The following THSD7B variants were observed in gnomAD, a reference collection of about 807,000 sequenced individuals.
THSD7B encodes thrombospondin type 1 domain containing 7B.
Under a neutral mutation model 213.6 loss-of-function variants are expected in THSD7B, and 138 were observed. The ratio of observed to expected loss-of-function variants is 0.65; its 90% CI spans 0.56 to 0.74. The LOEUF is 0.74. Ranked by LOEUF, THSD7B falls within the 30% of genes least tolerant of loss-of-function variation. The probability of loss-of-function intolerance (pLI) is 0.00; values close to 1 mark genes in which losing one functional copy is unlikely to be tolerated. For synonymous variants in THSD7B, 742 were observed against 687.0 expected (o/e 1.08, Z -1.25); for missense variants, 1,931 against 1,991.5 (o/e 0.97, Z 0.58).
chr2:137,616,635 T>C (rs1213693325), intron 18 of THSD7B, among the ~76,000 whole-genome samples: 3 of 152,188 alleles, frequency 2.0e-5, no homozygotes, highest in East Asian at 1.9e-4. Context: ...TAATTTACCA[T>C]TGAGAGAAGA....
chr2:136,864,406 A>G lies in THSD7B; in HGVS notation c.-35-17738A>G, dbSNP rs566824991. ...GACAAAGAAGAATAAAATCTCTCAT[A>G]TTTCTACCATGCAAATACAACGAAC... On this transcript the variant is annotated intron_variant, in intron 1 of 27. Coordinates refer to ENST00000409968, the MANE Select transcript of THSD7B (RefSeq NM_001316349.2). Among the ~76,000 whole-genome samples the G allele has an allele frequency of 9.8e-5, 15 of 152,310 alleles. No homozygotes were observed. The East Asian group carries it at 2.7e-3, about 27-fold the overall frequency.
At chr2:137,533,026 T>C (rs75220310) in intron 15 of THSD7B, among the ~76,000 whole-genome samples, 25,101 of 150,860 alleles carry the variant, frequency 0.17, 2,217 homozygotes, top group South Asian at 0.28. Flanking sequence ...TTATGTGATA[T>C]GTAATAGGTA....
intron 21 of THSD7B, among the ~76,000 whole-genome samples, chr2:137,643,826 T>A (rs867106415): frequency 6.6e-6 from 1 of 152,162 alleles, no homozygotes; most frequent in Non-Finnish European, 1.5e-5. Flanking sequence ...GACAGAGAAC[T>A]GACAATGTCC....
chr2:137,406,369 T>C (rs375408859), intron 13 of THSD7B, among the ~76,000 whole-genome samples: 1 of 152,222 alleles, frequency 6.6e-6, no homozygotes, highest in African/African-American at 2.4e-5. Context: ...CAACTAATTG[T>C]TTAATTGAAT....
intron 1 of THSD7B, among the ~76,000 whole-genome samples, chr2:136,766,029 TC>T (rs1239488013): frequency 6.6e-6 from 1 of 152,148 alleles, no homozygotes; most frequent in Non-Finnish European, 1.5e-5. Context: ...GGAGCTCTGT[TC>T]CCTTCACCTC....
chr2:137,366,344 A>G (rs1685407257), intron 12 of THSD7B, among the ~76,000 whole-genome samples: 2 of 152,140 alleles, frequency 1.3e-5, no homozygotes, highest in African/African-American at 2.4e-5. Context: ...TACATATGTA[A>G]CAAACCTGCA....
Position 137,160,291 on chromosome 2 carries a change from C to T in THSD7B, c.1448C>T (p.Thr483Met), listed in dbSNP as rs781503094. The change falls in exon 6 of 28, where the codon ACG becomes ATG. Residue 483 changes from threonine (T) to methionine (M), a missense_variant. By Grantham distance (81) the Thr-to-Met change is moderately conservative. Transcript: ENST00000409968. ...CAGCTCTGCAATATCCCTTGCTCTA[C>T]GGACTGCATAGTATCTTCCTGGTCA... ...PSQLCNIPCS[T>M]DCIVSSWSAW... is the part of the protein sequence containing the mutation. 2.5e-5 allele frequency: 40 copies of T among 1,613,564 alleles called. No individual in the cohort carries two copies. The African/African-American group carries it at 3.3e-4, about 13-fold the overall frequency.
chr2:137,065,367 G>A (rs1481825660), intron 3 of THSD7B, among the ~76,000 whole-genome samples: 3 of 151,924 alleles, frequency 2.0e-5, no homozygotes, highest in Non-Finnish European at 2.9e-5. Flanking sequence ...TTTGTATCCT[G>A]TAACTTTACT....
chr2:136,916,150 A>G (rs1352695052), intron 2 of THSD7B, among the ~76,000 whole-genome samples: 1 of 152,130 alleles, frequency 6.6e-6, no homozygotes, highest in Non-Finnish European at 1.5e-5. Context: ...TTTTTAATCC[A>G]CTACTAGCTA....
intron 24 of THSD7B, among the ~76,000 whole-genome samples, chr2:137,658,718 T>C (rs527260580): frequency 1.3e-5 from 2 of 152,302 alleles, no homozygotes; most frequent in South Asian, 4.1e-4. Context: ...CTGTGTGGAT[T>C]CTTTGTGTTA....
chr2:137,239,587 A>G (rs1311524208), intron 9 of THSD7B, among the ~76,000 whole-genome samples: 3 of 152,172 alleles, frequency 2.0e-5, no homozygotes, highest in Non-Finnish European at 4.4e-5. Flanking sequence ...CAGAAGAGCC[A>G]TGTAGCTCTG....
intron 17 of THSD7B, among the ~76,000 whole-genome samples, chr2:137,615,964 G>T (rs1321627786): frequency 1.3e-5 from 2 of 152,046 alleles, no homozygotes; most frequent in Non-Finnish European, 2.9e-5. Context: ...TAGCCTTCAA[G>T]GTAACACAGG....
At chr2:137,234,309 A>C (rs772030653) in intron 9 of THSD7B, among the ~76,000 whole-genome samples, 36 of 152,204 alleles carry the variant, frequency 2.4e-4, no homozygotes, top group Non-Finnish European at 4.6e-4. Flanking sequence ...TGGGCAATGG[A>C]AACACTGAAA....
At chr2:137,195,535 G>C (rs747722322) in intron 7 of THSD7B, among the ~76,000 whole-genome samples, 4 of 151,998 alleles carry the variant, frequency 2.6e-5, no homozygotes, top group Non-Finnish European at 5.9e-5. Context: ...AAAGAATGCA[G>C]GTCCACTTTG....
chr2:137,494,372 A>C (rs911228803), intron 15 of THSD7B, among the ~76,000 whole-genome samples: 19 of 152,162 alleles, frequency 1.2e-4, no homozygotes, highest in African/African-American at 4.3e-4. Flanking sequence ...CTCCTTTAAA[A>C]AATAAATTAG....
At chr2:137,666,834 A>G (rs1444276592) in intron 26 of THSD7B, among the ~76,000 whole-genome samples, 1 of 152,168 alleles carries the variant, frequency 6.6e-6, no homozygotes, top group Non-Finnish European at 1.5e-5. Context: ...TCAAGCTTAT[A>G]TCTTATATAG....
chr2:137,448,354 G>A (rs965562279), intron 14 of THSD7B, among the ~76,000 whole-genome samples: 1 of 152,188 alleles, frequency 6.6e-6, no homozygotes, highest in Non-Finnish European at 1.5e-5. Flanking sequence ...AAGCAGGGAG[G>A]CTAAGCTGGT....
intron 15 of THSD7B, among the ~76,000 whole-genome samples, chr2:137,518,670 C>T (rs1680120505): frequency 6.6e-6 from 1 of 152,136 alleles, no homozygotes; most frequent in Admixed American, 6.5e-5. Flanking sequence ...ACCACTCATC[C>T]TTTTTCCCCA....
intron 12 of THSD7B, among the ~76,000 whole-genome samples, chr2:137,366,727 T>C (rs573137273): frequency 1.3e-5 from 2 of 150,964 alleles, no homozygotes; most frequent in African/African-American, 5.0e-5. Context: ...TTTTTGATAT[T>C]GTTATAAAAA....
Sources: allele counts gnomAD v4.1 joint callset (sites outside exome capture counted in the v4.1 genomes callset), GRCh38; gene constraint gnomAD v4.1.1; transcripts MANE v1.5; gene names NCBI Gene and HGNC (gene_info 2026-07-23, HGNC 2026-07-21).